Variants in DCDC1 observed in about 807,000 individuals in gnomAD.
DCDC1 encodes the protein doublecortin domain containing 1, also known as doublecortin domain-containing protein 1.
DCDC1 carries 200 observed loss-of-function variants against 178.3 expected under a neutral mutation model. The ratio of observed to expected loss-of-function variants is 1.12; its 90% CI spans 1.00 to 1.26. The LOEUF (loss-of-function observed/expected upper bound fraction) is 1.26, where lower values mean the gene tolerates loss of function less well. Among genes scored for constraint, DCDC1 ranks in the 50% most tolerant of loss-of-function variants. DCDC1 has a pLI of 0.00. For missense variants in DCDC1, 1,983 were observed against 1,749.2 expected (o/e 1.13, Z -2.38); for synonymous variants, 690 against 604.8 (o/e 1.14, Z -2.07).
chr11:31,152,066 AATT>A (rs530077032), intron 9 of DCDC1, among the ~76,000 whole-genome samples: 110 of 152,326 alleles, frequency 7.2e-4, no homozygotes, highest in East Asian at 1.2e-3. Context: ...TCATAAATAT[AATT>A]ATTATTTGTC....
intron 10 of DCDC1, 27 bp from the exon 11 acceptor site, chr11:31,127,666 T>G: frequency 1.4e-6 from 1 of 698,228 alleles, no homozygotes; most frequent in South Asian, 1.5e-5. Context: ...ACAAGAGTTG[T>G]TAGCGAGAAG....
intron 3 of DCDC1, 68 bp from the exon 4 acceptor site, chr11:31,307,976 T>A: frequency 1.3e-6 from 2 of 1,580,730 alleles, no homozygotes; most frequent in Non-Finnish European, 1.7e-6. Context: ...AAATACCATA[T>A]AATAACGAGT....
intron 1 of DCDC1, among the ~76,000 whole-genome samples, chr11:31,343,737 A>C (rs1179598192): frequency 6.6e-6 from 1 of 152,058 alleles, no homozygotes; most frequent in Non-Finnish European, 1.5e-5. Context: ...TGGCCAACAT[A>C]TTGAAACCCT....
At chr11:31,113,134 A>C (rs994403287) in intron 11 of DCDC1, among the ~76,000 whole-genome samples, 1 of 152,218 alleles carries the variant, frequency 6.6e-6, no homozygotes, top group Non-Finnish European at 1.5e-5. Context: ...CAGAATAAGA[A>C]AACAACTTAC....
intron 20 of DCDC1, among the ~76,000 whole-genome samples, chr11:31,056,486 G>C (rs971443791): frequency 6.6e-6 from 1 of 151,818 alleles, no homozygotes; most frequent in African/African-American, 2.4e-5. Context: ...AAAGTAAAAG[G>C]ACACCAAAAT....
At chr11:30,896,668 G>A (rs994025788) in intron 34 of DCDC1, among the ~76,000 whole-genome samples, 1 of 152,102 alleles carries the variant, frequency 6.6e-6, no homozygotes, top group African/African-American at 2.4e-5. Flanking sequence ...CCATTCCTGC[G>A]TTTTACTTAT....
chr11:31,192,938 A>T (rs1970288911), intron 9 of DCDC1, among the ~76,000 whole-genome samples: 1 of 152,108 alleles, frequency 6.6e-6, no homozygotes, highest in African/African-American at 2.4e-5. Flanking sequence ...AAGTAGAAGG[A>T]AGGTAAATTT....
intron 9 of DCDC1, among the ~76,000 whole-genome samples, chr11:31,229,336 T>C (rs1158408519): frequency 6.6e-6 from 1 of 152,064 alleles, no homozygotes; most frequent in South Asian, 2.1e-4. Context: ...AGATCAGAGA[T>C]ATAAAAATCA....
chr11:30,989,425 G>T (rs1950848002), intron 20 of DCDC1, among the ~76,000 whole-genome samples: 1 of 152,140 alleles, frequency 6.6e-6, no homozygotes, highest in Non-Finnish European at 1.5e-5. Context: ...CTGACTCCCA[G>T]GTTGAATCTG....
chr11:31,060,256 C>T (rs1187011320), intron 20 of DCDC1, among the ~76,000 whole-genome samples: 1 of 151,914 alleles, frequency 6.6e-6, no homozygotes, highest in Admixed American at 6.6e-5. Flanking sequence ...GACTTTACAG[C>T]AATTGTAAAA....
intron 8 of DCDC1, among the ~76,000 whole-genome samples, chr11:31,250,421 C>CATATATATACATATAT: frequency 1.9e-5 from 1 of 52,958 alleles, no homozygotes; most frequent in South Asian, 8.7e-4. Context: ...CACACATATA[C>CATATATATACATATAT]ATATATATGT....
At chr11:31,328,307 T>C (rs1482889481) in intron 2 of DCDC1, 21 bp from the exon 3 acceptor site, 1 of 1,537,750 alleles carries the variant, frequency 6.5e-7, no homozygotes, top group East Asian at 2.3e-5. Context: ...TAAAGAATGT[T>C]ATTTAATTTT....
intron 9 of DCDC1, among the ~76,000 whole-genome samples, chr11:31,169,884 T>G (rs1242178053): frequency 6.6e-6 from 1 of 152,224 alleles, no homozygotes; most frequent in African/African-American, 2.4e-5. Context: ...ACAAAGATTT[T>G]GGGGGTAAGG....
At chr11:31,180,747 G>A (rs777690453) in intron 9 of DCDC1, among the ~76,000 whole-genome samples, 9 of 152,192 alleles carry the variant, frequency 5.9e-5, no homozygotes, top group East Asian at 3.9e-4. Flanking sequence ...CACCAGGACC[G>A]TGGGTTTCAA....
At chr11:31,112,945 T>C (rs1187378858) in intron 11 of DCDC1, among the ~76,000 whole-genome samples, 1 of 152,132 alleles carries the variant, frequency 6.6e-6, no homozygotes, top group Non-Finnish European at 1.5e-5. Flanking sequence ...GTTTACCCTG[T>C]GCTGGACTAG....
At chr11:31,299,768 A>C (rs1305206936) in intron 6 of DCDC1, among the ~76,000 whole-genome samples, 1 of 152,212 alleles carries the variant, frequency 6.6e-6, no homozygotes, top group Non-Finnish European at 1.5e-5. Context: ...GCAGGTAGAA[A>C]AATAACATTT....
At chr11:31,008,087 C>T (rs1951960193) in intron 20 of DCDC1, among the ~76,000 whole-genome samples, 1 of 152,090 alleles carries the variant, frequency 6.6e-6, no homozygotes, top group Admixed American at 6.5e-5. Context: ...ATCTCCTTTG[C>T]AATGGTTAAA....
chr11:30,941,452 C>T (rs926164811), intron 21 of DCDC1, among the ~76,000 whole-genome samples: 2 of 152,166 alleles, frequency 1.3e-5, no homozygotes, highest in African/African-American at 4.8e-5. Context: ...TCATATTTTA[C>T]CTCAATGTCC....
At chr11:31,238,718 C>T (rs893714478) in intron 9 of DCDC1, among the ~76,000 whole-genome samples, 2 of 152,090 alleles carry the variant, frequency 1.3e-5, no homozygotes, top group Admixed American at 6.6e-5. Flanking sequence ...CAAAGATTAC[C>T]AATTAAATAG....
Sources: allele counts gnomAD v4.1 joint callset (sites outside exome capture counted in the v4.1 genomes callset), GRCh38; gene constraint gnomAD v4.1.1; transcripts MANE v1.5; gene names NCBI Gene and HGNC (gene_info 2026-07-23, HGNC 2026-07-21).